CCDC85A: variants seen among roughly 807,000 people sequenced by gnomAD.
CCDC85A encodes the protein coiled-coil domain-containing protein 85A.
In CCDC85A, 38 loss-of-function variants were observed where a neutral mutation model predicts 50.2. That is an observed-to-expected ratio of 0.76 (90% CI 0.58 to 0.99). The LOEUF is 0.99. Ranked by LOEUF, CCDC85A falls within the 50% of genes least tolerant of loss-of-function variation. CCDC85A has a pLI of 0.00. For synonymous variants in CCDC85A, 366 were observed against 301.4 expected, an observed-to-expected ratio of 1.21 and a Z score of -2.22; for missense variants, 820 against 742.0, an observed-to-expected ratio of 1.11 and a Z score of -1.22.
chr2:56,377,510 A>G (rs565712442), intron 5 of CCDC85A, among the ~76,000 whole-genome samples: 5 of 152,358 alleles, frequency 3.3e-5, no homozygotes, highest in African/African-American at 1.2e-4. Context: ...TCAGATCAGC[A>G]TAGTGAGTCA....
intron 2 of CCDC85A, among the ~76,000 whole-genome samples, chr2:56,283,178 T>C (rs1671282358): frequency 6.6e-6 from 1 of 152,208 alleles, no homozygotes; most frequent in Non-Finnish European, 1.5e-5. Flanking sequence ...AGAACTCAAA[T>C]GCTATACTCG....
At chr2:56,370,413 A>T (rs991319499) in intron 3 of CCDC85A, among the ~76,000 whole-genome samples, 7 of 152,230 alleles carry the variant, frequency 4.6e-5, no homozygotes, top group African/African-American at 1.7e-4. Context: ...AGATTAAAAA[A>T]ATATATATGC....
chr2:56,322,015 C>G (rs1292000496), intron 2 of CCDC85A, among the ~76,000 whole-genome samples: 1 of 152,144 alleles, frequency 6.6e-6, no homozygotes, highest in African/African-American at 2.4e-5. Flanking sequence ...TGGTCTTTGA[C>G]AAACCTGACA....
intron 2 of CCDC85A, among the ~76,000 whole-genome samples, chr2:56,212,505 C>T (rs1471972811): frequency 3.9e-5 from 6 of 152,006 alleles, no homozygotes; most frequent in Non-Finnish European, 1.5e-5. Flanking sequence ...GCATCACTTC[C>T]TGTGCTTTCC....
intron 2 of CCDC85A, among the ~76,000 whole-genome samples, chr2:56,329,965 T>TACCAA (rs1673696940): frequency 7.3e-6 from 1 of 136,100 alleles, no homozygotes; most frequent in African/African-American, 2.9e-5. Context: ...TTTTTTTTTT[T>TACCAA]TTTTTTTTTT....
intron 5 of CCDC85A, among the ~76,000 whole-genome samples, chr2:56,378,234 G>C (rs567931059): frequency 1.3e-5 from 2 of 152,308 alleles, no homozygotes; most frequent in South Asian, 4.1e-4. Flanking sequence ...AATTAGTACA[G>C]TGGCTCAGTT....
chr2:56,208,811 T>C (rs1479185385), intron 2 of CCDC85A, among the ~76,000 whole-genome samples: 1 of 152,110 alleles, frequency 6.6e-6, no homozygotes, highest in African/African-American at 2.4e-5. Context: ...ATGTTTCATC[T>C]CATCTTCTTG....
At chr2:56,211,260 T>C (rs1379128289) in intron 2 of CCDC85A, among the ~76,000 whole-genome samples, 1 of 152,090 alleles carries the variant, frequency 6.6e-6, no homozygotes, top group Non-Finnish European at 1.5e-5. Flanking sequence ...CTGAATATGA[T>C]TTTTGGCTGA....
At chr2:56,346,463 A>T (rs1674636626) in intron 3 of CCDC85A, among the ~76,000 whole-genome samples, 1 of 152,218 alleles carries the variant, frequency 6.6e-6, no homozygotes, top group East Asian at 1.9e-4. Flanking sequence ...AGTGGTGAAG[A>T]GGAGCCCACA....
In CCDC85A at chr2:56,303,663, A is replaced by G. The variant is rs576077075; in HGVS notation, c.1241-39216A>G. Among the ~76,000 whole-genome samples, 9 of 152,302 alleles carry G rather than the reference A, an allele frequency of 5.9e-5. No homozygotes were observed. In the East Asian group the frequency reaches 1.5e-3, roughly 26 times the overall value. ...AATAATTATTATTTTTTCTCTCTGAATGGTTGCTGTGTGTATAGTGCAGAT... is the reference window on the plus strand; with the variant it reads ...AATAATTATTATTTTTTCTCTCTGAGTGGTTGCTGTGTGTATAGTGCAGAT... On this transcript the variant is annotated intron_variant, in intron 2 of 5. Transcript: ENST00000407595.
At chr2:56,310,839 C>T (rs1393433267) in intron 2 of CCDC85A, among the ~76,000 whole-genome samples, 3 of 152,146 alleles carry the variant, frequency 2.0e-5, no homozygotes, top group African/African-American at 7.2e-5. Flanking sequence ...CTATTTTCCA[C>T]TTCAGTTTGG....
intron 5 of CCDC85A, among the ~76,000 whole-genome samples, chr2:56,377,634 A>C (rs1676395797): frequency 6.6e-6 from 1 of 152,134 alleles, no homozygotes; most frequent in South Asian, 2.1e-4. Context: ...TTTTCATACA[A>C]AATTTTATCT....
At chr2:56,209,378 A>T (rs555833722) in intron 2 of CCDC85A, among the ~76,000 whole-genome samples, 1 of 151,012 alleles carries the variant, frequency 6.6e-6, no homozygotes, top group South Asian at 2.1e-4. Flanking sequence ...GGCCTGGATG[A>T]TATTTGGGGA....
intron 2 of CCDC85A, among the ~76,000 whole-genome samples, chr2:56,215,271 T>G (rs2103889883): frequency 6.6e-6 from 1 of 152,060 alleles, no homozygotes; most frequent in East Asian, 1.9e-4. Flanking sequence ...GGTTTTCTTG[T>G]TGTTGGCGGC....
Position 56,380,262 on chromosome 2 carries a change from G to A in CCDC85A, c.1573-4004G>A, listed in dbSNP as rs1275876881. Reference sequence around the variant, plus strand: ...CTTGTAACTATTCTTGGAAAAAATCGCCACCTTACTAGGTAATTTTGCTTA... The same window carrying A: ...CTTGTAACTATTCTTGGAAAAAATCACCACCTTACTAGGTAATTTTGCTTA... On this transcript the variant is annotated intron_variant, in intron 5 of 5. Transcript: ENST00000407595. Among the ~76,000 whole-genome samples, 8 of 152,020 alleles carry A rather than the reference G, an allele frequency of 5.3e-5. 1 individual carries two copies. Among genetic ancestry groups the A allele is most frequent in the South Asian group, 4.1e-4 (2 of 4,826 alleles).
chr2:56,217,289 C>T (rs907502822), intron 2 of CCDC85A, among the ~76,000 whole-genome samples: 8 of 151,834 alleles, frequency 5.3e-5, no homozygotes, highest in African/African-American at 1.9e-4. Context: ...ATTGAGTGGG[C>T]CTCCCCCTGG....
chr2:56,214,387 A>G (rs780270402), intron 2 of CCDC85A, among the ~76,000 whole-genome samples: 3 of 151,980 alleles, frequency 2.0e-5, no homozygotes, highest in Non-Finnish European at 4.4e-5. Flanking sequence ...TTGAGTTATC[A>G]GGATTTTCCA....
intron 2 of CCDC85A, among the ~76,000 whole-genome samples, chr2:56,228,324 TATAATA>T (rs36058795): frequency 1.4e-5 from 2 of 148,018 alleles, no homozygotes; most frequent in African/African-American, 2.5e-5. Flanking sequence ...AAACTTAAAG[TATAATA>T]ATAATAATAA....
intron 2 of CCDC85A, among the ~76,000 whole-genome samples, chr2:56,306,824 G>C (rs7584607): frequency 0.052 from 7,944 of 152,154 alleles, 687 homozygotes; most frequent in African/African-American, 0.18. Flanking sequence ...GCCTTATCCT[G>C]TCAGACGAGA....
Sources: allele counts gnomAD v4.1 joint callset (sites outside exome capture counted in the v4.1 genomes callset), GRCh38; gene constraint gnomAD v4.1.1; transcripts MANE v1.5; gene names NCBI Gene and HGNC (gene_info 2026-07-23, HGNC 2026-07-21).